The following CPEB4 variants were observed in gnomAD, a reference collection of about 807,000 sequenced individuals.
The protein encoded by CPEB4 is cytoplasmic polyadenylation element binding protein 4.
In CPEB4, 12 loss-of-function variants were observed where a neutral mutation model predicts 72.5. That is an observed-to-expected ratio of 0.17 (90% CI 0.11 to 0.27). CPEB4 has a LOEUF of 0.27. Ranked by LOEUF, CPEB4 falls within the 10% of genes least tolerant of loss-of-function variation. The pLI is 1.00. For synonymous variants in CPEB4, 302 were observed against 326.3 expected (o/e 0.93, Z 0.80); for missense variants, 614 against 908.5 (o/e 0.68, Z 4.17).
rs1581175122 is a variant in CPEB4 at position 173,956,764 on chromosome 5, G to A, written c.*627G>A. The A allele has an allele frequency of 6.7e-6, 1 of 150,248 alleles. No individual in the cohort carries two copies. The highest frequency in any genetic ancestry group is 1.9e-4 in the East Asian group (1 of 5,304). 9.3% of individuals were successfully genotyped at this position (150,248 alleles called of 1,614,324 possible). On this transcript the variant is annotated 3_prime_UTR_variant, in exon 10 of 10. Transcript: ENST00000265085. ...GAGCAGCATTATAATTAATTTTCAGGGTTTTGAGGCTGAACATAATTTCAT... is the reference window on the plus strand; with the variant it reads ...GAGCAGCATTATAATTAATTTTCAGAGTTTTGAGGCTGAACATAATTTCAT...
rs185914011 is a variant in CPEB4, at chr5:173,954,169, G to A, written c.1962+897G>A. Among the ~76,000 whole-genome samples, 10 of 152,212 alleles carry A rather than the reference G, an allele frequency of 6.6e-5. No homozygotes were observed. The South Asian group carries it at 1.0e-3, about 16-fold the overall frequency. ...TGTGCTAAAATAGATTGATTTTATC[G>A]TGTTGTTCTCAATTCAAGATGTAAA... On this transcript the variant is annotated intron_variant, in intron 9 of 9. Coordinates refer to ENST00000265085, the MANE Select transcript of CPEB4 (RefSeq NM_030627.4).
chr5:173,891,887 A>G (rs1179360229), intron 1 of CPEB4, among the ~76,000 whole-genome samples: 1 of 152,094 alleles, frequency 6.6e-6, no homozygotes, highest in African/African-American at 2.4e-5. Context: ...TATTATCCCC[A>G]TTTTACAGAT....
At chr5:173,949,809 T>G in intron 6 of CPEB4, 151 bp from the exon 7 acceptor site, 1 of 715,684 alleles carries the variant, frequency 1.4e-6, no homozygotes, top group Non-Finnish European at 2.4e-6. Context: ...ATGAACTGTA[T>G]GTTGATGTCA....
chr5:173,901,497 T>A (rs1756230666), intron 1 of CPEB4, among the ~76,000 whole-genome samples: 1 of 152,210 alleles, frequency 6.6e-6, no homozygotes. Flanking sequence ...TCTCTGATGC[T>A]CGTTGTCTTC....
At chr5:173,909,080 A>G (rs1461265595) in intron 1 of CPEB4, among the ~76,000 whole-genome samples, 1 of 152,214 alleles carries the variant, frequency 6.6e-6, no homozygotes, top group Admixed American at 6.5e-5. Context: ...GGAATGTCAG[A>G]GCACTTGGGA....
In CPEB4 at chr5:173,917,908, G is replaced by C. The variant is rs145494906; in HGVS notation, c.1207+7304G>C. Reference sequence around the variant, plus strand: ...TCAGAGTCGGCCGGCAGCTGCCTGCGTGTCTGGCTGAAGCCTTCCTGAACT... The same window carrying C: ...TCAGAGTCGGCCGGCAGCTGCCTGCCTGTCTGGCTGAAGCCTTCCTGAACT... On this transcript the variant is annotated intron_variant, in intron 2 of 9. Transcript: ENST00000265085. Among the ~76,000 whole-genome samples the C allele has an allele frequency of 8.1e-3, 1,236 of 152,290 alleles. 9 individuals carry two copies. Among genetic ancestry groups the C allele is most frequent in the Non-Finnish European group, 7.8e-3 (533 of 68,020 alleles).
In CPEB4 at chr5:173,888,503, C is replaced by A; in HGVS notation, c.-1231C>A. On this transcript the variant is annotated 5_prime_UTR_variant, in exon 1 of 10. Coordinates refer to ENST00000265085, the MANE Select transcript of CPEB4 (RefSeq NM_030627.4). This position sits in a 1 kb window ranked among gnomAD's most constrained non-coding sequence, Gnocchi z 4.3. ...AAGAAGAACCAGGAGGAGTCCTCAA[C>A]AACGACAGCGGGGACTGCGGGACCA... is the stretch of plus-strand genomic sequence containing the variant. 2 of 413,180 alleles carry A rather than the reference C, an allele frequency of 4.8e-6. No homozygotes were observed. The highest frequency in any genetic ancestry group is 4.2e-6 in the Non-Finnish European group (1 of 235,794). The allele number at this position is 413,180 out of a possible 1,614,324, so 25.6% of individuals were successfully genotyped here. A position where few individuals can be genotyped will look rare whatever the true frequency, so the allele number is the denominator to read the frequency against.
intron 2 of CPEB4, among the ~76,000 whole-genome samples, chr5:173,927,809 G>A (rs1757301143): frequency 6.6e-6 from 1 of 152,074 alleles, no homozygotes; most frequent in Non-Finnish European, 1.5e-5. Flanking sequence ...AAAAATCCTT[G>A]AGAAAACTTA....
chr5:173,918,048 A>C (rs967725712), intron 2 of CPEB4, among the ~76,000 whole-genome samples: 2 of 152,242 alleles, frequency 1.3e-5, no homozygotes, highest in African/African-American at 4.8e-5. Flanking sequence ...TCAAAGCCTC[A>C]TAAGTAATGG....
rs1003300942 is a variant in CPEB4, at chr5:173,934,384, C to T, written c.1258+1884C>T. On this transcript the variant is annotated intron_variant, in intron 3 of 9. Transcript: ENST00000265085. Reference sequence around the variant, plus strand: ...ACTAGATAGTTTTTAATGTTGTATACGTGGAAATTTTGTTTATTATAAAGG... The same window carrying T: ...ACTAGATAGTTTTTAATGTTGTATATGTGGAAATTTTGTTTATTATAAAGG... 5.9e-5 allele frequency among the ~76,000 whole-genome samples: 9 copies of T among 152,086 alleles called. 1 individual carries two copies. The highest frequency in any genetic ancestry group is 2.1e-4 in the South Asian group (1 of 4,822).
At chr5:173,923,684 A>T (rs1157219393) in intron 2 of CPEB4, among the ~76,000 whole-genome samples, 2 of 151,004 alleles carry the variant, frequency 1.3e-5, no homozygotes, top group Non-Finnish European at 3.0e-5. Context: ...TTTTCTTTCC[A>T]TTATATTTTT....
intron 1 of CPEB4, 48 bp downstream of exon 1, chr5:173,890,906 T>C (rs765877497): frequency 1.8e-5 from 27 of 1,531,276 alleles, no homozygotes; most frequent in Non-Finnish European, 2.4e-5. Context: ...GGAAATAGCA[T>C]GGTGTAATAT....
chr5:173,948,477 C>T (rs1042345885), intron 5 of CPEB4, among the ~76,000 whole-genome samples: 2 of 152,090 alleles, frequency 1.3e-5, no homozygotes, highest in African/African-American at 4.8e-5. Context: ...GCCTGGGCAA[C>T]ATAGTGAGCC....
chr5:173,957,487 A>G lies in CPEB4; in HGVS notation c.*1350A>G, dbSNP rs1758415766. 6.5e-6 allele frequency: 1 copy of G among 152,812 alleles called. No homozygotes were observed. Among genetic ancestry groups the G allele is most frequent in the African/African-American group, 2.4e-5 (1 of 41,458 alleles). 9.5% of individuals were successfully genotyped at this position (152,812 alleles called of 1,614,324 possible). A position where few individuals can be genotyped will look rare whatever the true frequency, so the allele number is the denominator to read the frequency against. ...AGTCAGTGTTTGAAGTGCCAACTTC[A>G]TCAAGTAATGCATGCTTTATTATAA... On this transcript the variant is annotated 3_prime_UTR_variant, in exon 10 of 10. Coordinates refer to ENST00000265085, the MANE Select transcript of CPEB4 (RefSeq NM_030627.4).
intron 1 of CPEB4, among the ~76,000 whole-genome samples, chr5:173,894,913 A>G (rs1475027680): frequency 6.6e-6 from 1 of 152,204 alleles, no homozygotes; most frequent in African/African-American, 2.4e-5. Flanking sequence ...GATTGTAGAT[A>G]GAGTATTGAA....
intron 2 of CPEB4, among the ~76,000 whole-genome samples, chr5:173,924,603 AT>A (rs957243278): frequency 6.6e-6 from 1 of 152,038 alleles, no homozygotes; most frequent in Non-Finnish European, 1.5e-5. Context: ...ATATTGAGGG[AT>A]TTTTTTTGGC....
chr5:173,918,611 A>G (rs1756963677), intron 2 of CPEB4, among the ~76,000 whole-genome samples: 1 of 152,138 alleles, frequency 6.6e-6, no homozygotes. Context: ...CTGAATGGAA[A>G]CCAACTCAGT....
intron 2 of CPEB4, among the ~76,000 whole-genome samples, chr5:173,916,434 A>T (rs555960102): frequency 6.6e-6 from 1 of 152,312 alleles, no homozygotes; most frequent in South Asian, 2.1e-4. Context: ...CAGGAAACCT[A>T]TTGCATATGT....
rs1311944899 is a variant in CPEB4 at position 173,958,719 on chromosome 5, G to A, written c.*2582G>A. The A allele has an allele frequency of 6.6e-6, 1 of 152,524 alleles. No individual in the cohort carries two copies. Among genetic ancestry groups the A allele is most frequent in the African/African-American group, 2.4e-5 (1 of 41,394 alleles). 9.4% of individuals were successfully genotyped at this position (152,524 alleles called of 1,614,324 possible). On this transcript the variant is annotated 3_prime_UTR_variant, in exon 10 of 10. Transcript: ENST00000265085. The stretch of plus-strand genomic sequence containing the variant: ...AAAAAAATTAAATGCATAAGCATAA[G>A]GTAGAAATTAAAATAACAAAATTGT...
Sources: allele counts gnomAD v4.1 joint callset (sites outside exome capture counted in the v4.1 genomes callset), GRCh38; gene constraint gnomAD v4.1.1; non-coding constraint Gnocchi (gnomAD v3.1); transcripts MANE v1.5; gene names NCBI Gene and HGNC (gene_info 2026-07-23, HGNC 2026-07-21).